LRMDA: variants seen among roughly 807,000 people sequenced by gnomAD.
The protein encoded by LRMDA is leucine-rich melanocyte differentiation-associated protein.
LRMDA carries 18 observed loss-of-function variants against 29.8 expected under a neutral mutation model. That is an observed-to-expected ratio of 0.60 (90% CI 0.42 to 0.90). LRMDA has a LOEUF of 0.90. Ranked by LOEUF, LRMDA falls within the 40% of genes least tolerant of loss-of-function variation. The pLI is 0.00. For missense variants in LRMDA, 273 were observed against 273.9 expected, an observed-to-expected ratio of 1.00 and a Z score of 0.02; for synonymous variants, 125 against 109.4, an observed-to-expected ratio of 1.14 and a Z score of -0.89.
chr10:76,324,496 A>G lies in LRMDA; in HGVS notation c.601+11A>G. 1 of 1,611,692 alleles carries G rather than the reference A, an allele frequency of 6.2e-7. No homozygotes were observed. The highest frequency in any genetic ancestry group is 8.5e-7 in the Non-Finnish European group (1 of 1,178,016). On this transcript the variant is annotated intron_variant, in intron 6 of 6. Coordinates refer to ENST00000611255, the MANE Select transcript of LRMDA (RefSeq NM_001305581.2). ...TCACCAGTCACCAAGGTTGGAACTC[A>G]GCTTTTTATTGCTCTCAGTGGGTGC...
chr10:76,401,344 A>G (rs573494518), intron 6 of LRMDA, among the ~76,000 whole-genome samples: 4 of 152,300 alleles, frequency 2.6e-5, no homozygotes, highest in Admixed American at 2.0e-4. Context: ...TCCTTCCTTT[A>G]CCGCATACCT....
intron 2 of LRMDA, among the ~76,000 whole-genome samples, chr10:75,497,206 T>C (rs1405202172): frequency 6.6e-6 from 1 of 152,050 alleles, no homozygotes; most frequent in African/African-American, 2.4e-5. Context: ...AATAGAAAGA[T>C]CCAGTTTTTT....
chr10:75,958,470 G>T (rs951352753), intron 2 of LRMDA, among the ~76,000 whole-genome samples: 6 of 152,168 alleles, frequency 3.9e-5, no homozygotes, highest in African/African-American at 1.4e-4. Flanking sequence ...ATTTGTGTTG[G>T]TTTTGGCATA....
intron 2 of LRMDA, among the ~76,000 whole-genome samples, chr10:75,952,651 C>A (rs73275025): frequency 0.018 from 2,701 of 152,252 alleles, 88 homozygotes; most frequent in African/African-American, 0.061. Flanking sequence ...GATTCTAATG[C>A]GGATGCCATC....
chr10:75,917,089 G>A (rs1280354909), intron 2 of LRMDA, among the ~76,000 whole-genome samples: 1 of 152,120 alleles, frequency 6.6e-6, no homozygotes, highest in Non-Finnish European at 1.5e-5. Context: ...CTGTGTAGAG[G>A]CAGTGGCAGG....
chr10:75,786,905 A>C (rs1589200967), intron 2 of LRMDA, among the ~76,000 whole-genome samples: 1 of 152,250 alleles, frequency 6.6e-6, no homozygotes, highest in South Asian at 2.1e-4. Flanking sequence ...CACAAGGATG[A>C]ATCCTAAATG....
intron 2 of LRMDA, among the ~76,000 whole-genome samples, chr10:75,858,359 G>A (rs957759219): frequency 1.3e-5 from 2 of 152,108 alleles, no homozygotes; most frequent in African/African-American, 2.4e-5. Flanking sequence ...GGTACCTGTC[G>A]CACCCTTCCC....
intron 2 of LRMDA, among the ~76,000 whole-genome samples, chr10:75,501,672 G>A (rs1014512819): frequency 6.6e-6 from 1 of 152,156 alleles, no homozygotes; most frequent in Non-Finnish European, 1.5e-5. Context: ...AATCAAGAGG[G>A]TATATCTGCA....
At chr10:76,239,247 C>G (rs750569817) in intron 5 of LRMDA, among the ~76,000 whole-genome samples, 5 of 152,086 alleles carry the variant, frequency 3.3e-5, no homozygotes, top group Non-Finnish European at 7.4e-5. Context: ...TCCTTCTCCC[C>G]CAATCCTAAC....
At chr10:75,825,705 T>C (rs1844236701) in intron 2 of LRMDA, among the ~76,000 whole-genome samples, 1 of 152,202 alleles carries the variant, frequency 6.6e-6, no homozygotes, top group South Asian at 2.1e-4. Context: ...ACAGAACCAT[T>C]CACCTAACAG....
intron 6 of LRMDA, among the ~76,000 whole-genome samples, chr10:76,429,109 A>C (rs1842162845): frequency 6.6e-6 from 1 of 151,922 alleles, no homozygotes; most frequent in Non-Finnish European, 1.5e-5. Flanking sequence ...GGAATCCCTT[A>C]ACTAGTTATT....
chr10:76,239,421 G>A (rs952255720), intron 5 of LRMDA, among the ~76,000 whole-genome samples: 1 of 152,112 alleles, frequency 6.6e-6, no homozygotes, highest in Non-Finnish European at 1.5e-5. Flanking sequence ...AATTTTCCCA[G>A]TTGTCTCAAA....
intron 6 of LRMDA, among the ~76,000 whole-genome samples, chr10:76,540,412 A>G (rs919383505): frequency 1.3e-5 from 2 of 152,252 alleles, no homozygotes; most frequent in African/African-American, 4.8e-5. Flanking sequence ...GAAGCCTTTC[A>G]CAAAGCCTCT....
Position 76,165,392 on chromosome 10 carries a change from C to G in LRMDA, c.516+106609C>G, listed in dbSNP as rs373217929. On this transcript the variant is annotated intron_variant, in intron 5 of 6. Coordinates refer to ENST00000611255, the MANE Select transcript of LRMDA (RefSeq NM_001305581.2). Reference sequence around the variant, plus strand: ...GTTCAAGCAATTCTCCTGCTTCAGTCTCCCAAGTAGCTGGGACTACAGGCA... The same window carrying G: ...GTTCAAGCAATTCTCCTGCTTCAGTGTCCCAAGTAGCTGGGACTACAGGCA... Among the ~76,000 whole-genome samples, 4 of 152,106 alleles carry G rather than the reference C, an allele frequency of 2.6e-5. 1 individual carries two copies. The highest frequency in any genetic ancestry group is 6.5e-5 in the Admixed American group (1 of 15,282).
At chr10:75,510,749 G>A (rs576260849) in intron 2 of LRMDA, among the ~76,000 whole-genome samples, 1 of 152,170 alleles carries the variant, frequency 6.6e-6, no homozygotes, top group Non-Finnish European at 1.5e-5. Context: ...AAAGAGGTGG[G>A]GGTGTTGGCC....
rs1488797359 is a variant in LRMDA at position 76,058,709 on chromosome 10, G to T, written c.442G>T (p.Ala148Ser). The change falls in exon 5 of 7, where the codon GCC becomes TCC. Residue 148 changes from alanine to serine, a missense_variant. Ala to Ser is a moderately conservative substitution (Grantham distance 99). Coordinates refer to ENST00000611255, the MANE Select transcript of LRMDA (RefSeq NM_001305581.2). ...GCTGCCCAACTTGAAATTTCTGGAT[G>T]CCCAGAAAGTAACCAGACAAGAACG... ...YKLPNLKFLD[A>S]QKVTRQEREE... is the part of the protein sequence containing the mutation. The T allele has an allele frequency of 1.2e-6, 2 of 1,613,974 alleles. No individual in the cohort carries two copies. Among genetic ancestry groups the T allele is most frequent in the African/African-American group, 1.3e-5 (1 of 74,920 alleles).
At chr10:75,925,355 C>T (rs1211363953) in intron 2 of LRMDA, among the ~76,000 whole-genome samples, 1 of 152,140 alleles carries the variant, frequency 6.6e-6, no homozygotes, top group South Asian at 2.1e-4. Flanking sequence ...GTACTTTCTC[C>T]GTAAGACATA....
intron 2 of LRMDA, among the ~76,000 whole-genome samples, chr10:75,588,605 G>A (rs1210841811): frequency 2.0e-5 from 3 of 152,076 alleles, no homozygotes; most frequent in Non-Finnish European, 2.9e-5. Flanking sequence ...TCTGTGAGTG[G>A]AGGTTTATTT....
chr10:76,472,717 C>T (rs1320576490), intron 6 of LRMDA, among the ~76,000 whole-genome samples: 1 of 151,372 alleles, frequency 6.6e-6, no homozygotes, highest in Non-Finnish European at 1.5e-5. Flanking sequence ...ATCAACCTGA[C>T]AGAAATAAAG....
Sources: allele counts gnomAD v4.1 joint callset (sites outside exome capture counted in the v4.1 genomes callset), GRCh38; gene constraint gnomAD v4.1.1; transcripts MANE v1.5; gene names NCBI Gene and HGNC (gene_info 2026-07-23, HGNC 2026-07-21).